Variants in TACC2 observed in about 807,000 individuals in gnomAD.
The protein encoded by TACC2 is transforming acidic coiled-coil containing protein 2.
TACC2 carries 137 observed loss-of-function variants against 227.3 expected under a neutral mutation model. The observed-to-expected ratio is 0.60, with a 90% CI of 0.52 to 0.69. TACC2 has a LOEUF of 0.69. Among genes scored for constraint, TACC2 ranks in the 30% least tolerant of loss-of-function variants. TACC2 has a pLI of 0.00. For missense variants in TACC2, 3,470 were observed against 3,694.4 expected (o/e 0.94, Z 1.57); for synonymous variants, 1,523 against 1,487.5 (o/e 1.02, Z -0.55).
Position 122,087,781 on chromosome 10 carries a change from A to G in TACC2, c.5281A>G (p.Thr1761Ala), listed in dbSNP as rs956135133. 1 of 1,600,356 alleles carries G rather than the reference A, an allele frequency of 6.2e-7. No homozygotes were observed. The highest frequency in any genetic ancestry group is 1.3e-5 in the African/African-American group (1 of 74,954). Residue 1761 changes from threonine (T) to alanine (A), a missense_variant, in exon 4 of 23, where the codon ACA (threonine) becomes GCA (alanine). This residue lies in a region of TACC2 where 1,924 missense variants were observed against 1,978.3 expected (regional missense o/e 0.97). Transcript: ENST00000369005. ...CSDKAPGMEG[T>A]AALHGDSPAR... The stretch of plus-strand genomic sequence containing the variant: ...TGACAAGGCTCCGGGGATGGAGGGT[A>G]CAGCTGCCCTTCATGGGGACAGCCC...
chr10:122,073,302 A>G (rs2078364391), intron 3 of TACC2, among the ~76,000 whole-genome samples: 1 of 151,740 alleles, frequency 6.6e-6, no homozygotes, highest in Admixed American at 6.6e-5. Context: ...GGGTCTCACC[A>G]TGGAGACGGG....
At chr10:122,134,572 C>T (rs1201036542) in intron 6 of TACC2, among the ~76,000 whole-genome samples, 1 of 152,214 alleles carries the variant, frequency 6.6e-6, no homozygotes, top group Non-Finnish European at 1.5e-5. Context: ...AAGAAGTGTA[C>T]AGAAGTTTCC....
At chr10:122,094,760 C>T (rs534815793) in intron 5 of TACC2, among the ~76,000 whole-genome samples, 10 of 152,198 alleles carry the variant, frequency 6.6e-5, no homozygotes, top group Non-Finnish European at 1.3e-4. Context: ...TCATGCTGCA[C>T]TTGAACCCAC....
chr10:122,108,581 G>A (rs2083208245), intron 5 of TACC2, among the ~76,000 whole-genome samples: 1 of 150,710 alleles, frequency 6.6e-6, no homozygotes, highest in African/African-American at 2.4e-5. Context: ...GAGTAGCTGG[G>A]ATTACAGGCA....
At chr10:122,011,077 C>T (rs1955859034) in intron 1 of TACC2, among the ~76,000 whole-genome samples, 2 of 152,196 alleles carry the variant, frequency 1.3e-5, no homozygotes, top group Admixed American at 1.3e-4. Context: ...GCCTGTGGCC[C>T]AATCTAAGAC....
intron 3 of TACC2, among the ~76,000 whole-genome samples, chr10:122,078,718 A>G (rs183960031): frequency 1.3e-5 from 2 of 152,384 alleles, no homozygotes; most frequent in Middle Eastern, 3.4e-3. Context: ...TCAACAGATC[A>G]GTTCTTAGAA....
At chr10:122,217,215 G>A (rs1387738328) in intron 11 of TACC2, among the ~76,000 whole-genome samples, 3 of 151,600 alleles carry the variant, frequency 2.0e-5, no homozygotes, top group South Asian at 2.1e-4. Context: ...ACCTGGACTC[G>A]CTTGGTGCCA....
At chr10:122,206,318 C>T (rs2095106268) in intron 8 of TACC2, among the ~76,000 whole-genome samples, 1 of 152,242 alleles carries the variant, frequency 6.6e-6, no homozygotes, top group African/African-American at 2.4e-5. Flanking sequence ...CTGGGCAGCA[C>T]TGGTGCTATG....
intron 7 of TACC2, among the ~76,000 whole-genome samples, chr10:122,147,297 A>G (rs2091494695): frequency 6.6e-6 from 1 of 152,160 alleles, no homozygotes; most frequent in African/African-American, 2.4e-5. Flanking sequence ...GGCTCCCGCC[A>G]CTACGCCTGG....
At chr10:122,206,136 G>T (rs2095099396) in intron 8 of TACC2, among the ~76,000 whole-genome samples, 1 of 152,194 alleles carries the variant, frequency 6.6e-6, no homozygotes, top group Non-Finnish European at 1.5e-5. Flanking sequence ...GCGGGGGCTG[G>T]CAGCAAGTGC....
At chr10:122,021,187 C>T (rs968221243) in intron 1 of TACC2, among the ~76,000 whole-genome samples, 8 of 149,292 alleles carry the variant, frequency 5.4e-5, no homozygotes, top group Non-Finnish European at 7.4e-5. Flanking sequence ...CGAGATCGTG[C>T]CACTGCACTC....
Position 122,150,130 on chromosome 10 carries a change from G to A in TACC2, c.5834+6424G>A, listed in dbSNP as rs1266210573. The stretch of plus-strand genomic sequence containing the variant: ...CTTTTCCTCCTTCTGGGAGGGGAGG[G>A]GAAGGAGAGCCGGCAGCAGCGGGGC... On this transcript the variant is annotated intron_variant, in intron 7 of 22. Transcript: ENST00000369005. This position sits in a 1 kb window ranked among gnomAD's most constrained non-coding sequence, Gnocchi z 4.0. Among the ~76,000 whole-genome samples the A allele has an allele frequency of 4.6e-5, 7 of 152,228 alleles. No homozygotes were observed. The highest frequency in any genetic ancestry group is 8.8e-5 in the Non-Finnish European group (6 of 68,038).
At chr10:122,182,148 G>A (rs1231000511) in intron 7 of TACC2, among the ~76,000 whole-genome samples, 1 of 152,236 alleles carries the variant, frequency 6.6e-6, no homozygotes, top group Non-Finnish European at 1.5e-5. Context: ...AGCAGAGCAG[G>A]GAAAGAACTC....
chr10:122,069,321 A>G lies in TACC2; in HGVS notation c.147-13326A>G, dbSNP rs534028221. ...CAGTGGCGCCATCTCGGCTCACTAC[A>G]ATCTTCACCTCCCAGATTCACACCA... On this transcript the variant is annotated intron_variant, in intron 3 of 22. Transcript: ENST00000369005. 9.9e-5 allele frequency among the ~76,000 whole-genome samples: 15 copies of G among 151,632 alleles called. No individual in the cohort carries two copies. In the South Asian group the frequency reaches 3.1e-3, roughly 32 times the overall value.
chr10:122,024,934 G>A (rs927225296), intron 2 of TACC2, among the ~76,000 whole-genome samples: 1 of 152,204 alleles, frequency 6.6e-6, no homozygotes. Flanking sequence ...ACGCCCAAGT[G>A]TGCAGTTGCT....
At chr10:122,082,437 G>A (rs564856270) in intron 3 of TACC2, among the ~76,000 whole-genome samples, 2 of 152,150 alleles carry the variant, frequency 1.3e-5, no homozygotes, top group Non-Finnish European at 2.9e-5. Context: ...ATACCCTGCA[G>A]TGGTTTTTGG....
At chr10:122,185,321 G>A (rs2094146903) in intron 7 of TACC2, among the ~76,000 whole-genome samples, 1 of 151,834 alleles carries the variant, frequency 6.6e-6, no homozygotes, top group Non-Finnish European at 1.5e-5. Context: ...TCAGCCTCCT[G>A]AGTAGCTGGG....
intron 7 of TACC2, among the ~76,000 whole-genome samples, chr10:122,157,148 A>G (rs78294574): frequency 0.011 from 1,689 of 152,276 alleles, 34 homozygotes; most frequent in African/African-American, 0.037. Context: ...TGAAGACAGG[A>G]GGAGCATACG....
intron 2 of TACC2, among the ~76,000 whole-genome samples, chr10:122,044,379 G>C (rs2074720026): frequency 6.6e-6 from 1 of 152,238 alleles, no homozygotes; most frequent in African/African-American, 2.4e-5. Context: ...GCCTTCCCTT[G>C]ACAGGGAAGA....
Sources: allele counts gnomAD v4.1 joint callset (sites outside exome capture counted in the v4.1 genomes callset), GRCh38; gene constraint gnomAD v4.1.1; regional missense constraint gnomAD v4.1.1; non-coding constraint Gnocchi (gnomAD v3.1); transcripts MANE v1.5; gene names NCBI Gene and HGNC (gene_info 2026-07-23, HGNC 2026-07-21).